Variants in UMAD1 observed in about 807,000 individuals in gnomAD.
The protein encoded by UMAD1 is UBAP1-MVB12-associated (UMA) domain containing 1.
UMAD1 carries 8 observed loss-of-function variants against 6.1 expected under a neutral mutation model. That is an observed-to-expected ratio of 1.30 (90% CI 0.76 to 2.35). UMAD1 has a LOEUF of 2.35. UMAD1 is among the 30% of genes most tolerant of loss of function. UMAD1 has a pLI of 0.00. For missense variants in UMAD1, 130 were observed against 78.4 expected, an observed-to-expected ratio of 1.66 and a Z score of -2.49; for synonymous variants, 56 against 31.4, an observed-to-expected ratio of 1.78 and a Z score of -2.61.
intron 2 of UMAD1, among the ~76,000 whole-genome samples, chr7:7,715,703 G>A (rs1780883792): frequency 6.6e-6 from 1 of 152,222 alleles, no homozygotes; most frequent in African/African-American, 2.4e-5. Context: ...TTTTACCATT[G>A]AATGTAATAT....
chr7:7,849,883 G>A (rs1783880167), intron 3 of UMAD1, among the ~76,000 whole-genome samples: 2 of 152,102 alleles, frequency 1.3e-5, no homozygotes, highest in African/African-American at 2.4e-5. Context: ...ACTTTTAAGA[G>A]TTAGGAGGAT....
intron 3 of UMAD1, among the ~76,000 whole-genome samples, chr7:7,802,371 C>T (rs1442342779): frequency 2.1e-4 from 22 of 106,410 alleles, no homozygotes; most frequent in South Asian, 2.4e-4. Context: ...AGCGAGACTC[C>T]GTCTCAAAAA....
At chr7:7,701,187 G>A (rs980438104) in intron 2 of UMAD1, among the ~76,000 whole-genome samples, 2 of 152,164 alleles carry the variant, frequency 1.3e-5, no homozygotes, top group Admixed American at 1.3e-4. Context: ...GAGGAGGAAT[G>A]GAATCTATCA....
chr7:7,651,503 C>T (rs1361943050), intron 1 of UMAD1, among the ~76,000 whole-genome samples: 1 of 152,198 alleles, frequency 6.6e-6, no homozygotes, highest in East Asian at 1.9e-4. Context: ...ATTTTCCTGC[C>T]TCCTGTCCAT....
At chr7:7,855,761 C>A (rs1180547486) in intron 3 of UMAD1, among the ~76,000 whole-genome samples, 1 of 152,220 alleles carries the variant, frequency 6.6e-6, no homozygotes, top group Non-Finnish European at 1.5e-5. Flanking sequence ...AATTTTTCTC[C>A]AGAAAATGGG....
chr7:7,718,614 A>T (rs759741081), intron 2 of UMAD1: 2 of 152,176 alleles, frequency 1.3e-5, no homozygotes, highest in African/African-American at 2.4e-5. Flanking sequence ...GCTTCTGTGG[A>T]TCTGATGATG....
chr7:7,690,334 C>T (rs897809196), intron 2 of UMAD1, among the ~76,000 whole-genome samples: 2 of 151,666 alleles, frequency 1.3e-5, no homozygotes, highest in African/African-American at 4.8e-5. Flanking sequence ...TATATGTTTC[C>T]TTTTACCATC....
intron 3 of UMAD1, among the ~76,000 whole-genome samples, chr7:7,849,173 C>A (rs1448604381): frequency 2.6e-5 from 4 of 152,168 alleles, no homozygotes; most frequent in African/African-American, 9.7e-5. Flanking sequence ...CCAACATTAT[C>A]TCATTCAATC....
chr7:7,812,656 G>A (rs1447101757), intron 3 of UMAD1, among the ~76,000 whole-genome samples: 1 of 151,956 alleles, frequency 6.6e-6, no homozygotes, highest in South Asian at 2.1e-4. Context: ...TTTAAAAAAC[G>A]ATATATAATA....
At chr7:7,779,171 G>GCTTC (rs1782290218) in intron 2 of UMAD1, among the ~76,000 whole-genome samples, 2 of 152,152 alleles carry the variant, frequency 1.3e-5, no homozygotes, top group South Asian at 4.1e-4. Context: ...TTTGAAGTGA[G>GCTTC]AGATAGGTTA....
At chr7:7,654,140 A>G in intron 1 of UMAD1, among the ~76,000 whole-genome samples, 1 of 152,340 alleles carries the variant, frequency 6.6e-6, no homozygotes, top group Non-Finnish European at 1.5e-5. Flanking sequence ...AGGGCATTCA[A>G]TTAAAAAGAA....
rs180937453 is a variant in UMAD1, at chr7:7,859,929, A to G, written c.157-17352A>G. On this transcript the variant is annotated intron_variant, in intron 3 of 3. Coordinates refer to ENST00000682710, the MANE Select transcript of UMAD1 (RefSeq NM_001302348.2). ...AAGTTTGTTACTTTGTTGAAGCATT[A>G]TAATTTTTGAAATTTATTAAGCTAT... 3.2e-3 allele frequency among the ~76,000 whole-genome samples: 490 copies of G among 152,314 alleles called. 1 individual carries two copies. The highest frequency in any genetic ancestry group is 5.4e-3 in the Non-Finnish European group (365 of 68,016).
intron 3 of UMAD1, among the ~76,000 whole-genome samples, chr7:7,804,936 A>T (rs1021041501): frequency 6.6e-6 from 1 of 152,020 alleles, no homozygotes; most frequent in Non-Finnish European, 1.5e-5. Context: ...AGCCGAGATC[A>T]CACCACTGCA....
intron 2 of UMAD1, among the ~76,000 whole-genome samples, chr7:7,722,903 A>G (rs1386590758): frequency 6.6e-6 from 1 of 152,180 alleles, no homozygotes; most frequent in African/African-American, 2.4e-5. Flanking sequence ...ACCCTGATCA[A>G]TCTTTTTTGC....
At chr7:7,735,830 G>T (rs891455187) in intron 2 of UMAD1, 1 of 152,242 alleles carries the variant, frequency 6.6e-6, no homozygotes, top group African/African-American at 2.4e-5. Flanking sequence ...GGAGGACTTG[G>T]AAACACCCAG....
intron 2 of UMAD1, among the ~76,000 whole-genome samples, chr7:7,759,438 C>A (rs910964439): frequency 1.3e-5 from 2 of 152,242 alleles, no homozygotes; most frequent in African/African-American, 4.8e-5. Context: ...CCATAAGAGT[C>A]CGGTTACATC....
intron 3 of UMAD1, among the ~76,000 whole-genome samples, chr7:7,815,459 A>C (rs1023230484): frequency 1.3e-5 from 2 of 152,176 alleles, no homozygotes; most frequent in Non-Finnish European, 2.9e-5. Flanking sequence ...TTACAGTAAA[A>C]GGCAGGGGTT....
chr7:7,656,741 A>T (rs1785353004), intron 1 of UMAD1, among the ~76,000 whole-genome samples: 1 of 152,086 alleles, frequency 6.6e-6, no homozygotes, highest in South Asian at 2.1e-4. Flanking sequence ...TTTGGTTCCA[A>T]GTCTGCTGTT....
intron 2 of UMAD1, among the ~76,000 whole-genome samples, chr7:7,731,751 A>T (rs1373243727): frequency 2.6e-5 from 4 of 152,224 alleles, no homozygotes; most frequent in Non-Finnish European, 5.9e-5. Context: ...AAGCTGTTTG[A>T]TCAGTGACTC....
Sources: allele counts gnomAD v4.1 joint callset (sites outside exome capture counted in the v4.1 genomes callset), GRCh38; gene constraint gnomAD v4.1.1; transcripts MANE v1.5; gene names NCBI Gene and HGNC (gene_info 2026-07-23, HGNC 2026-07-21).